The following PAN3 variants were observed in gnomAD, a reference collection of about 807,000 sequenced individuals.
PAN3 encodes the protein poly(A) specific ribonuclease subunit PAN3.
PAN3 carries 19 observed loss-of-function variants against 96.2 expected under a neutral mutation model. The ratio of observed to expected loss-of-function variants is 0.20; its 90% CI spans 0.14 to 0.29. The LOEUF is 0.29. Ranked by LOEUF, PAN3 falls within the 10% of genes least tolerant of loss-of-function variation. The pLI, the probability that PAN3 is intolerant of heterozygous loss-of-function variation, is 1.00. For synonymous variants in PAN3, 433 were observed against 406.6 expected (o/e 1.06, Z -0.78); for missense variants, 882 against 1,108.1 (o/e 0.80, Z 2.90).
chr13:28,267,933 T>A (rs192447420), intron 12 of PAN3, among the ~76,000 whole-genome samples: 2 of 152,178 alleles, frequency 1.3e-5, no homozygotes, highest in African/African-American at 4.8e-5. Flanking sequence ...GAGATGATGG[T>A]CAAGAAGTTA....
chr13:28,157,757 T>C (rs962555314), intron 1 of PAN3, among the ~76,000 whole-genome samples: 1 of 152,234 alleles, frequency 6.6e-6, no homozygotes, highest in Non-Finnish European at 1.5e-5. Flanking sequence ...AGAATCAATA[T>C]TGTTAAAATG....
At chr13:28,234,808 G>C (rs761011678) in intron 6 of PAN3, among the ~76,000 whole-genome samples, 2 of 151,840 alleles carry the variant, frequency 1.3e-5, no homozygotes, top group African/African-American at 4.8e-5. Context: ...GAAACCTAAG[G>C]TTTATTTTTG....
chr13:28,157,052 C>CTGAGTT (rs1020430935), intron 1 of PAN3, among the ~76,000 whole-genome samples: 4 of 151,168 alleles, frequency 2.6e-5, no homozygotes, highest in African/African-American at 7.3e-5. Context: ...GGCTTTACCC[C>CTGAGTT]TGAGTTGCAA....
At chr13:28,200,243 C>T (rs952578292) in intron 5 of PAN3, among the ~76,000 whole-genome samples, 9 of 152,106 alleles carry the variant, frequency 5.9e-5, no homozygotes, top group Admixed American at 4.6e-4. Context: ...TGTATAGACA[C>T]GGGCTGTAAC....
chr13:28,170,540 CATA>C lies in PAN3; in HGVS notation c.431-3727_431-3725del, dbSNP rs559071161. Among the ~76,000 whole-genome samples, 280 of 152,148 alleles carry C rather than the reference CATA, an allele frequency of 1.8e-3. 3 individuals carry two copies. The highest frequency in any genetic ancestry group is 0.017 in the South Asian group (81 of 4,828). On this transcript the variant is annotated intron_variant, in intron 1 of 18. Coordinates refer to ENST00000380958, the MANE Select transcript of PAN3 (RefSeq NM_175854.8). Reference sequence around the variant, plus strand: ...GAAAATTGGATTTGAAATTAATAAACATAATAAAAGCCTTTGAAGTGAAAAGCA... The same window carrying C: ...GAAAATTGGATTTGAAATTAATAAACATAAAAGCCTTTGAAGTGAAAAGCA...
intron 6 of PAN3, among the ~76,000 whole-genome samples, chr13:28,244,806 A>G (rs952185715): frequency 1.3e-5 from 2 of 150,642 alleles, no homozygotes; most frequent in African/African-American, 4.9e-5. Context: ...TTTCCCCCAC[A>G]TAGATATAAT....
chr13:28,198,255 A>T (rs1593455958), intron 5 of PAN3, among the ~76,000 whole-genome samples: 1 of 150,746 alleles, frequency 6.6e-6, no homozygotes, highest in South Asian at 2.1e-4. Flanking sequence ...CACTGCACCC[A>T]CTCCAGCCTG....
chr13:28,225,437 G>A lies in PAN3; in HGVS notation c.1000+5059G>A, dbSNP rs143034937. Among the ~76,000 whole-genome samples, 668 of 152,276 alleles carry A rather than the reference G, an allele frequency of 4.4e-3. 9 individuals are homozygous for A. The highest frequency in any genetic ancestry group is 0.015 in the African/African-American group (635 of 41,558). ...TTCATATCATAGATGAGCAAATGGAGGTATTAGGTATTTAAATTACATAGT... is the reference window on the plus strand; with the variant it reads ...TTCATATCATAGATGAGCAAATGGAAGTATTAGGTATTTAAATTACATAGT... On this transcript the variant is annotated intron_variant, in intron 6 of 18. Coordinates refer to ENST00000380958, the MANE Select transcript of PAN3 (RefSeq NM_175854.8).
chr13:28,166,813 C>T (rs1487716860), intron 1 of PAN3, among the ~76,000 whole-genome samples: 1 of 152,202 alleles, frequency 6.6e-6, no homozygotes, highest in Non-Finnish European at 1.5e-5. Context: ...CTGCACCTGG[C>T]TGCACTTGAG....
At chr13:28,257,618 C>T (rs1167880524) in intron 7 of PAN3, among the ~76,000 whole-genome samples, 1 of 146,556 alleles carries the variant, frequency 6.8e-6, no homozygotes, top group African/African-American at 2.5e-5. Context: ...GAACATGAAC[C>T]CTATTGTAAA....
At position 28,138,969 on chromosome 13, in the gene PAN3, G is replaced by C. The variant is rs1456085662; in HGVS notation, c.312G>C (p.Ala104=). 1 of 1,281,976 alleles carries C rather than the reference G, an allele frequency of 7.8e-7. No homozygotes were observed. The highest frequency in any genetic ancestry group is 9.9e-7 in the Non-Finnish European group (1 of 1,014,940). The allele number at this position is 1,281,976 out of a possible 1,614,324, so 79.4% of individuals were successfully genotyped here. A position where few individuals can be genotyped will look rare whatever the true frequency, so the allele number is the denominator to read the frequency against. ...PVAGFPPGAV[A]GGGAGPPPGP... is the part of the protein sequence containing the mutation. ...CCGGCTTTCCGCCGGGAGCCGTCGCGGGCGGGGGAGCTGGGCCGCCCCCCG... is the reference window on the plus strand; with the variant it reads ...CCGGCTTTCCGCCGGGAGCCGTCGCCGGCGGGGGAGCTGGGCCGCCCCCCG... Residue 104 remains alanine, a synonymous_variant, in exon 1 of 19, where the codon GCG becomes GCC. Coordinates refer to ENST00000380958, the MANE Select transcript of PAN3 (RefSeq NM_175854.8).
intron 5 of PAN3, among the ~76,000 whole-genome samples, chr13:28,206,236 T>A (rs1879332467): frequency 6.6e-6 from 1 of 152,058 alleles, no homozygotes. Context: ...CACCTTTTGT[T>A]CATCCCTTAA....
chr13:28,259,827 C>T (rs948869556), intron 7 of PAN3, among the ~76,000 whole-genome samples: 26 of 151,668 alleles, frequency 1.7e-4, no homozygotes, highest in African/African-American at 4.4e-4. Flanking sequence ...CAGTAGAGAC[C>T]AGGTTTCTCC....
In PAN3 at chr13:28,144,010, ATATACT is replaced by A. The variant is rs141748965; in HGVS notation, c.430+4926_430+4931del. ...AAGTTTAAACATTTTTATTGGAATA[ATATACT>A]TAGTATATCATGAAGGCTTTATAAT... is the stretch of plus-strand genomic sequence containing the variant. On this transcript the variant is annotated intron_variant, in intron 1 of 18. Coordinates refer to ENST00000380958, the MANE Select transcript of PAN3 (RefSeq NM_175854.8). 9.7e-3 allele frequency among the ~76,000 whole-genome samples: 1,474 copies of A among 152,202 alleles called. 18 individuals are homozygous for A. Among genetic ancestry groups the A allele is most frequent in the African/African-American group, 0.034 (1,406 of 41,516 alleles).
chr13:28,256,208 A>G, intron 6 of PAN3, 84 bp from the exon 7 acceptor site: 1 of 1,380,280 alleles, frequency 7.2e-7, no homozygotes, highest in Non-Finnish European at 9.9e-7. Context: ...TTTCTTCCAA[A>G]TGAATGTTTG....
At position 28,147,254 on chromosome 13, in the gene PAN3, G is replaced by A. The variant is rs1289004893; in HGVS notation, c.430+8167G>A. ...TCTTTGCAGATGGTCCCCACATTTT[G>A]AATTTACAATTCATTTATCAGAATG... On this transcript the variant is annotated intron_variant, in intron 1 of 18. Transcript: ENST00000380958. 2.0e-5 allele frequency among the ~76,000 whole-genome samples: 3 copies of A among 152,126 alleles called. No individual in the cohort carries two copies. In the East Asian group the frequency reaches 5.8e-4, roughly 29 times the overall value.
Position 28,292,417 on chromosome 13 carries a change from T to G in PAN3, c.2559T>G (p.Ile853Met), listed in dbSNP as rs773153053. The G allele has an allele frequency of 2.5e-6, 4 of 1,609,404 alleles. No individual in the cohort carries two copies. The highest frequency in any genetic ancestry group is 1.7e-5 in the Admixed American group (1 of 59,536). The change falls in exon 19 of 19, where the codon ATT (isoleucine) becomes ATG (methionine). Residue 853 changes from isoleucine to methionine, a missense_variant. Physicochemically the swap from Ile to Met is conservative, Grantham distance 10. Around this residue, in one of 3 missense-constraint regions of PAN3, gnomAD observed 76 missense variants for 171.7 expected, o/e 0.44. Coordinates refer to ENST00000380958, the MANE Select transcript of PAN3 (RefSeq NM_175854.8). ...DAGVPEKISL[I>M]SRDEKSVLVV... is the part of the protein sequence containing the mutation. ...GTGTGCCAGAAAAAATAAGCCTGAT[T>G]TCCAGAGATGAGAAGAGTGTACTTG...
At chr13:28,192,129 G>A (rs1415386033) in intron 4 of PAN3, among the ~76,000 whole-genome samples, 1 of 150,738 alleles carries the variant, frequency 6.6e-6, no homozygotes, top group East Asian at 2.0e-4. Flanking sequence ...CACTGCAGCG[G>A]CACCATCTCA....
chr13:28,262,070 C>G (rs9551456), intron 9 of PAN3, among the ~76,000 whole-genome samples: 2 of 151,952 alleles, frequency 1.3e-5, no homozygotes, highest in Non-Finnish European at 2.9e-5. Flanking sequence ...TACTGTGTGC[C>G]AGACAGTATA....
Sources: gnomAD v4.1 joint callset for allele counts (sites outside exome capture counted in the v4.1 genomes callset) on GRCh38, gnomAD v4.1.1 for gene constraint, gnomAD v4.1.1 regional missense constraint, MANE v1.5 for transcripts, NCBI Gene and HGNC (gene_info 2026-07-23, HGNC 2026-07-21) for gene names.